The following RAB28 variants were observed in gnomAD, a reference collection of about 807,000 sequenced individuals.
RAB28 encodes the protein ras-related protein Rab-28.
RAB28 carries 24 observed loss-of-function variants against 31.7 expected under a neutral mutation model. The observed-to-expected ratio is 0.76, with a 90% confidence interval of 0.55 to 1.06. RAB28 has a LOEUF of 1.06. Ranked by LOEUF, RAB28 falls within the 50% of genes least tolerant of loss-of-function variation. The probability of loss-of-function intolerance (pLI) is 0.00; values close to 1 mark genes in which losing one functional copy is unlikely to be tolerated. For synonymous variants in RAB28, 100 were observed against 90.4 expected (o/e 1.11, Z -0.60); for missense variants, 254 against 258.5 (o/e 0.98, Z 0.12).
chr4:13,433,813 T>G (rs1206184156), intron 4 of RAB28, among the ~76,000 whole-genome samples: 1 of 152,034 alleles, frequency 6.6e-6, no homozygotes, highest in Admixed American at 6.6e-5. Flanking sequence ...TGAAGGTATA[T>G]AACTACAGGA....
chr4:13,474,833 A>G (rs1221837622), intron 2 of RAB28, among the ~76,000 whole-genome samples: 2 of 151,656 alleles, frequency 1.3e-5, no homozygotes, highest in Admixed American at 6.6e-5. Context: ...TCTAAACTCT[A>G]TGGCTTCTAA....
intron 3 of RAB28, among the ~76,000 whole-genome samples, chr4:13,466,063 A>G (rs116510283): frequency 5.7e-4 from 87 of 152,102 alleles, no homozygotes; most frequent in African/African-American, 1.5e-3. Context: ...ATATACAAAA[A>G]CCAACTCGAA....
chr4:13,473,927 T>C, intron 3 of RAB28: 1 of 362,724 alleles, frequency 2.8e-6, no homozygotes, highest in Admixed American at 3.9e-5. Flanking sequence ...TAGATATACT[T>C]TCAGTCCTTG....
chr4:13,381,165 C>T (rs143850455), intron 5 of RAB28, among the ~76,000 whole-genome samples: 180 of 152,108 alleles, frequency 1.2e-3, no homozygotes, highest in African/African-American at 4.1e-3. Context: ...AATGCCATCT[C>T]CTAGCCACAG....
intron 6 of RAB28, among the ~76,000 whole-genome samples, chr4:13,373,582 G>A (rs1190105221): frequency 2.6e-5 from 4 of 152,132 alleles, no homozygotes; most frequent in South Asian, 4.1e-4. Flanking sequence ...TGGTTACTGT[G>A]TTAATAAACT....
chr4:13,475,723 CTAA>C (rs1227563362), intron 2 of RAB28, among the ~76,000 whole-genome samples: 3 of 151,512 alleles, frequency 2.0e-5, no homozygotes, highest in Non-Finnish European at 4.4e-5. Flanking sequence ...AACACTTAGA[CTAA>C]TGACTAAAAT....
Position 13,459,861 on chromosome 4 carries a change from C to T in RAB28, c.391+838G>A, listed in dbSNP as rs1487739354. On this transcript the variant is annotated intron_variant, in intron 4 of 6. Transcript: ENST00000330852. ...AACCTCTGGGACAGAGCTGAAACTG[C>T]AATGCAATATCATAAAATCTGCAGC... The T allele has an allele frequency of 5.4e-6, 7 of 1,288,784 alleles. No homozygotes were observed. In the Admixed American group the frequency reaches 1.6e-4, roughly 30 times the overall value. 79.8% of individuals were successfully genotyped at this position (1,288,784 alleles called of 1,614,324 possible). A position where few individuals can be genotyped will look rare whatever the true frequency, so the allele number is the denominator to read the frequency against.
intron 4 of RAB28, among the ~76,000 whole-genome samples, chr4:13,421,967 C>A (rs1713177855): frequency 6.6e-6 from 1 of 151,898 alleles, no homozygotes; most frequent in Non-Finnish European, 1.5e-5. Flanking sequence ...AACAGGCAAC[C>A]TACAGAATGA....
chr4:13,455,216 C>T (rs1715230846), intron 4 of RAB28, among the ~76,000 whole-genome samples: 1 of 152,144 alleles, frequency 6.6e-6, no homozygotes, highest in Non-Finnish European at 1.5e-5. Context: ...GGCTGTTTCT[C>T]CGGACCTGGG....
chr4:13,372,332 G>A (rs1285309790), intron 6 of RAB28, among the ~76,000 whole-genome samples: 1 of 152,062 alleles, frequency 6.6e-6, no homozygotes, highest in Non-Finnish European at 1.5e-5. Context: ...ACTTTGCACA[G>A]AGTGGGAGTT....
At chr4:13,405,774 A>G (rs1712043574) in intron 4 of RAB28, among the ~76,000 whole-genome samples, 1 of 152,168 alleles carries the variant, frequency 6.6e-6, no homozygotes. Context: ...GCTTTTCATG[A>G]TAGAGCACTA....
At chr4:13,436,876 G>A (rs1714145350) in intron 4 of RAB28, among the ~76,000 whole-genome samples, 4 of 151,864 alleles carry the variant, frequency 2.6e-5, no homozygotes, top group Admixed American at 1.3e-4. Flanking sequence ...AAATTCGTAT[G>A]GAACCAAAAA....
At chr4:13,390,990 C>A (rs1032653378) in intron 4 of RAB28, among the ~76,000 whole-genome samples, 4 of 152,082 alleles carry the variant, frequency 2.6e-5, no homozygotes, top group Non-Finnish European at 4.4e-5. Flanking sequence ...AGGACATAGG[C>A]ATGGGCAAGG....
intron 4 of RAB28, among the ~76,000 whole-genome samples, chr4:13,408,671 T>A (rs960127819): frequency 2.6e-5 from 4 of 151,998 alleles, no homozygotes; most frequent in Non-Finnish European, 4.4e-5. Flanking sequence ...ATGAAAAAAA[T>A]TCAAGTACTA....
chr4:13,439,290 G>A (rs1714289218), intron 4 of RAB28, among the ~76,000 whole-genome samples: 2 of 151,972 alleles, frequency 1.3e-5, no homozygotes, highest in Admixed American at 6.6e-5. Context: ...TTCTTTGGTT[G>A]CTTGTGCTTT....
chr4:13,420,410 T>C (rs1713060793), intron 4 of RAB28, among the ~76,000 whole-genome samples: 1 of 152,146 alleles, frequency 6.6e-6, no homozygotes, highest in South Asian at 2.1e-4. Context: ...CATTTTATGA[T>C]GCCAGTATCA....
At chr4:13,446,844 T>C (rs1479913096) in intron 4 of RAB28, among the ~76,000 whole-genome samples, 3 of 152,146 alleles carry the variant, frequency 2.0e-5, no homozygotes, top group East Asian at 3.9e-4. Context: ...GAATTACAGA[T>C]ACATATATCC....
chr4:13,391,664 A>C (rs1729634391), intron 4 of RAB28, among the ~76,000 whole-genome samples: 1 of 152,230 alleles, frequency 6.6e-6, no homozygotes. Flanking sequence ...CCAAATGTCC[A>C]TCAATGATAG....
chr4:13,457,061 GC>G (rs1715338171), intron 4 of RAB28, among the ~76,000 whole-genome samples: 3 of 152,202 alleles, frequency 2.0e-5, no homozygotes, highest in African/African-American at 7.2e-5. Flanking sequence ...TATTTCCACA[GC>G]CTACACATTT....
Sources: allele counts gnomAD v4.1 joint callset (sites outside exome capture counted in the v4.1 genomes callset), GRCh38; gene constraint gnomAD v4.1.1; transcripts MANE v1.5; gene names NCBI Gene and HGNC (gene_info 2026-07-23, HGNC 2026-07-21).